The following STXBP5L variants were observed in gnomAD, a reference collection of about 807,000 sequenced individuals.
The protein encoded by STXBP5L is syntaxin binding protein 5L.
Under a neutral mutation model 144.5 loss-of-function variants are expected in STXBP5L, and 65 were observed. The ratio of observed to expected loss-of-function variants is 0.45; its 90% CI spans 0.37 to 0.55. The LOEUF is 0.55. Among genes scored for constraint, STXBP5L ranks in the 20% least tolerant of loss-of-function variants. The probability of loss-of-function intolerance (pLI) is 0.00; values close to 1 mark genes in which losing one functional copy is unlikely to be tolerated. For synonymous variants in STXBP5L, 505 were observed against 469.6 expected (o/e 1.08, Z -0.97); for missense variants, 1,298 against 1,405.5 (o/e 0.92, Z 1.22).
intron 5 of STXBP5L, among the ~76,000 whole-genome samples, chr3:121,074,160 C>T (rs960237745): frequency 6.6e-6 from 1 of 152,104 alleles, no homozygotes; most frequent in African/African-American, 2.4e-5. Flanking sequence ...GAGCCTGGTC[C>T]AAGTATACTG....
At chr3:121,048,678 CAGTT>C (rs1947698490) in intron 5 of STXBP5L, among the ~76,000 whole-genome samples, 1 of 147,486 alleles carries the variant, frequency 6.8e-6, no homozygotes, top group South Asian at 2.1e-4. Context: ...TCTATCAGAT[CAGTT>C]AGAGTCTTTT....
intron 7 of STXBP5L, among the ~76,000 whole-genome samples, chr3:121,144,595 A>G (rs2045645799): frequency 6.6e-6 from 1 of 151,926 alleles, no homozygotes; most frequent in Non-Finnish European, 1.5e-5. Context: ...CTACCTATAT[A>G]ATACAGCAGT....
intron 10 of STXBP5L, among the ~76,000 whole-genome samples, chr3:121,210,222 T>A (rs1327339700): frequency 1.3e-5 from 2 of 152,256 alleles, no homozygotes; most frequent in Non-Finnish European, 2.9e-5. Context: ...TTTGGCTGCA[T>A]AAATGTCTTC....
Position 121,344,880 on chromosome 3 carries a change from T to C in STXBP5L, c.2176+26340T>C, listed in dbSNP as rs2044889770. On this transcript the variant is annotated intron_variant, in intron 20 of 26. Coordinates refer to ENST00000471454, the MANE Select transcript of STXBP5L (RefSeq NM_001308330.2). Reference sequence around the variant, plus strand: ...ATCTTCAAGGTGACCATTAGAAAAATATTAAAATACCCCAAAACTTTAAAA... The same window carrying C: ...ATCTTCAAGGTGACCATTAGAAAAACATTAAAATACCCCAAAACTTTAAAA... Among the ~76,000 whole-genome samples, 4 of 150,878 alleles carry C rather than the reference T, an allele frequency of 2.7e-5. No homozygotes were observed. In the South Asian group the frequency reaches 8.3e-4, roughly 31 times the overall value.
At chr3:121,288,873 G>T (rs924357412) in intron 19 of STXBP5L, among the ~76,000 whole-genome samples, 10 of 152,030 alleles carry the variant, frequency 6.6e-5, no homozygotes, top group African/African-American at 2.4e-4. Context: ...TTTTGTTTTT[G>T]TTGTAATTGC....
At chr3:121,298,481 C>T (rs879841926) in intron 19 of STXBP5L, among the ~76,000 whole-genome samples, 5 of 151,954 alleles carry the variant, frequency 3.3e-5, no homozygotes, top group Non-Finnish European at 7.4e-5. Flanking sequence ...TAAGTGATAC[C>T]GCATCAAACT....
At chr3:120,913,597 C>A (rs908034779) in intron 2 of STXBP5L, among the ~76,000 whole-genome samples, 3 of 151,976 alleles carry the variant, frequency 2.0e-5, no homozygotes, top group Non-Finnish European at 2.9e-5. Context: ...TAAATGACTA[C>A]GTTTTTCTGT....
At chr3:121,303,535 C>A (rs1331327970) in intron 19 of STXBP5L, among the ~76,000 whole-genome samples, 1 of 152,062 alleles carries the variant, frequency 6.6e-6, no homozygotes, top group East Asian at 1.9e-4. Context: ...TGGGTATATA[C>A]CCAAAGGATT....
chr3:121,057,939 C>T (rs1948575183), intron 5 of STXBP5L, among the ~76,000 whole-genome samples: 1 of 151,600 alleles, frequency 6.6e-6, no homozygotes, highest in Non-Finnish European at 1.5e-5. Context: ...AGCATAACAC[C>T]TTGCTCTTTT....
intron 20 of STXBP5L, among the ~76,000 whole-genome samples, chr3:121,351,648 A>T (rs556322175): frequency 6.6e-6 from 1 of 151,988 alleles, no homozygotes; most frequent in South Asian, 2.1e-4. Context: ...GTGCCTGTTC[A>T]CTCTGATGGT....
At chr3:121,009,999 T>C (rs1298903188) in intron 3 of STXBP5L, among the ~76,000 whole-genome samples, 2 of 151,894 alleles carry the variant, frequency 1.3e-5, no homozygotes, top group Non-Finnish European at 2.9e-5. Flanking sequence ...TGTTGACATG[T>C]TCTAGTAAAG....
At chr3:121,405,775 A>T (rs1288581342) in intron 22 of STXBP5L, among the ~76,000 whole-genome samples, 1 of 152,154 alleles carries the variant, frequency 6.6e-6, no homozygotes, top group Non-Finnish European at 1.5e-5. Context: ...TAAACCCTGT[A>T]TAAACCTAAT....
chr3:121,155,316 T>C (rs928892261), intron 8 of STXBP5L, among the ~76,000 whole-genome samples: 3 of 151,842 alleles, frequency 2.0e-5, no homozygotes, highest in Admixed American at 6.6e-5. Context: ...GAGCCTTTGC[T>C]CCTTCTAACT....
At chr3:121,046,315 T>C (rs1019104714) in intron 5 of STXBP5L, among the ~76,000 whole-genome samples, 9 of 152,114 alleles carry the variant, frequency 5.9e-5, no homozygotes, top group African/African-American at 2.2e-4. Flanking sequence ...GATATTGGCC[T>C]GAAGATTTTT....
At chr3:121,405,425 G>A (rs1232745922) in intron 22 of STXBP5L, among the ~76,000 whole-genome samples, 1 of 152,112 alleles carries the variant, frequency 6.6e-6, no homozygotes, top group Non-Finnish European at 1.5e-5. Context: ...ACTTTTGTCT[G>A]TTTTATTCAC....
intron 2 of STXBP5L, among the ~76,000 whole-genome samples, chr3:120,921,114 T>A (rs1469513123): frequency 6.6e-6 from 1 of 151,982 alleles, no homozygotes; most frequent in Non-Finnish European, 1.5e-5. Flanking sequence ...AGTTCCCCTC[T>A]CTCCACATCC....
At chr3:121,323,920 T>C (rs902111926) in intron 20 of STXBP5L, among the ~76,000 whole-genome samples, 4 of 152,084 alleles carry the variant, frequency 2.6e-5, no homozygotes, top group African/African-American at 9.7e-5. Context: ...AGCTTTCAAC[T>C]GTGGGGCTGT....
intron 12 of STXBP5L, among the ~76,000 whole-genome samples, chr3:121,235,808 C>T (rs1216705526): frequency 6.7e-6 from 1 of 149,684 alleles, no homozygotes; most frequent in Non-Finnish European, 1.5e-5. Context: ...AAAGAGAACT[C>T]CTGCCAGAAC....
At chr3:121,090,401 C>T in intron 5 of STXBP5L, among the ~76,000 whole-genome samples, 1 of 152,066 alleles carries the variant, frequency 6.6e-6, no homozygotes, top group East Asian at 1.9e-4. Flanking sequence ...AATAAGAGTA[C>T]CTCCTTACTG....
Sources: gnomAD v4.1 joint callset for allele counts (sites outside exome capture counted in the v4.1 genomes callset) on GRCh38, gnomAD v4.1.1 for gene constraint, MANE v1.5 for transcripts, NCBI Gene and HGNC (gene_info 2026-07-23, HGNC 2026-07-21) for gene names.